BTLA: variants seen among roughly 807,000 people sequenced by gnomAD.
The protein encoded by BTLA is B and T lymphocyte associated.
A neutral mutation model predicts 25.0 loss-of-function variants in BTLA; 11 were observed. The observed-to-expected ratio is 0.44, with a 90% CI of 0.28 to 0.73. The LOEUF is 0.73. BTLA is among the 30% of genes least tolerant of loss of function. The pLI is 0.15. For synonymous variants in BTLA, 104 were observed against 119.8 expected (o/e 0.87, Z 0.86); for missense variants, 282 against 332.8 (o/e 0.85, Z 1.19).
intron 3 of BTLA, 62 bp from the exon 4 acceptor site, chr3:112,469,866 T>C: frequency 2.2e-6 from 3 of 1,347,580 alleles, no homozygotes; most frequent in Non-Finnish European, 3.1e-6. Context: ...GTAAACCACC[T>C]TGCCACCCAT....
intron 1 of BTLA, among the ~76,000 whole-genome samples, chr3:112,489,664 A>C (rs566435344): frequency 6.6e-5 from 10 of 152,376 alleles, no homozygotes; most frequent in African/African-American, 2.4e-4. Flanking sequence ...ATAATAAACC[A>C]ATAATTTTCT....
At chr3:112,491,340 G>T (rs2082378960) in intron 1 of BTLA, among the ~76,000 whole-genome samples, 1 of 151,900 alleles carries the variant, frequency 6.6e-6, no homozygotes, top group Non-Finnish European at 1.5e-5. Flanking sequence ...ATCTTAACAC[G>T]AGGAAAAAAA....
Position 112,465,415 on chromosome 3 carries a change from T to C in BTLA, c.*693A>G, listed in dbSNP as rs1229606676. ...AGTGAGTCTCTACTTTCCTCATAAA[T>C]GTGCTATACGTTGACTGCTCCATTA... On this transcript the variant is annotated 3_prime_UTR_variant, in exon 5 of 5. Transcript: ENST00000334529. 6.5e-6 allele frequency: 1 copy of C among 152,672 alleles called. No homozygotes were observed. Among genetic ancestry groups the C allele is most frequent in the Non-Finnish European group, 1.5e-5 (1 of 68,038 alleles). The allele number at this position is 152,672 out of a possible 1,614,324, so 9.5% of individuals were successfully genotyped here. A position where few individuals can be genotyped will look rare whatever the true frequency, so the allele number is the denominator to read the frequency against.
rs141373505 is a variant in BTLA, at chr3:112,483,427, C to T, written c.89-3658G>A. Among the ~76,000 whole-genome samples, 802 of 151,544 alleles carry T rather than the reference C, an allele frequency of 5.3e-3. 11 individuals carry two copies. The highest frequency in any genetic ancestry group is 5.4e-3 in the Non-Finnish European group (364 of 67,894). ...CCTCCCAAAGTGCTGGGATTACAGG[C>T]TTGAGCCACCACACCTGGCCAGAAT... On this transcript the variant is annotated intron_variant, in intron 1 of 4. Coordinates refer to ENST00000334529, the MANE Select transcript of BTLA (RefSeq NM_181780.4).
At chr3:112,486,119 A>C (rs192970936) in intron 1 of BTLA, among the ~76,000 whole-genome samples, 97 of 152,332 alleles carry the variant, frequency 6.4e-4, no homozygotes, top group African/African-American at 2.3e-3. Context: ...TCCATCTCAA[A>C]AAACAAACCA....
chr3:112,484,021 T>C (rs1174334734), intron 1 of BTLA, among the ~76,000 whole-genome samples: 1 of 151,918 alleles, frequency 6.6e-6, no homozygotes, highest in African/African-American at 2.4e-5. Flanking sequence ...GAAGGTTAAC[T>C]TCAGCCGGGG....
intron 1 of BTLA, among the ~76,000 whole-genome samples, chr3:112,492,526 G>A (rs1376841395): frequency 6.6e-6 from 1 of 152,178 alleles, no homozygotes; most frequent in African/African-American, 2.4e-5. Context: ...GTGATGTTCA[G>A]ATTAAGTGTG....
upstream of BTLA, chr3:112,499,557 A>G: frequency 1.9e-6 from 1 of 533,376 alleles, no homozygotes; most frequent in Non-Finnish European, 3.3e-6. Context: ...AGTGAACAGA[A>G]AGACGATGTG....
intron 1 of BTLA, among the ~76,000 whole-genome samples, chr3:112,487,336 G>GCACTT (rs2082353860): frequency 6.6e-6 from 1 of 152,194 alleles, no homozygotes; most frequent in Admixed American, 6.5e-5. Context: ...TGTAATCCCA[G>GCACTT]CACTTTGGGA....
chr3:112,477,331 C>T (rs1381637716), intron 2 of BTLA, among the ~76,000 whole-genome samples: 2 of 146,828 alleles, frequency 1.4e-5, no homozygotes, highest in African/African-American at 5.0e-5. Context: ...TTCTTCACAT[C>T]CTTGCTAACA....
chr3:112,466,272 T>A lies in BTLA; in HGVS notation c.706A>T (p.Met236Leu). ...GAATAAACTTCAGACCCTTCCTGCA[T>A]CCTGAAACAAAGGTCAGGGTCATTA... ...YDNDPDLCFR[M>L]QEGSEVYSNP... The change falls in exon 5 of 5, where the codon ATG (methionine) becomes TTG (leucine). Residue 236 changes from methionine to leucine, a missense_variant. Physicochemically the swap from Met to Leu is conservative, Grantham distance 15. This residue lies in a region of BTLA where 119 missense variants were observed against 102.3 expected (regional missense o/e 1.16). Coordinates refer to ENST00000334529, the MANE Select transcript of BTLA (RefSeq NM_181780.4). The A allele has an allele frequency of 6.2e-7, 1 of 1,614,104 alleles. No individual in the cohort carries two copies. The highest frequency in any genetic ancestry group is 8.5e-7 in the Non-Finnish European group (1 of 1,179,990).
intron 4 of BTLA, among the ~76,000 whole-genome samples, chr3:112,466,955 CTTCTTTTT>C (rs148453466): frequency 0.79 from 111,331 of 141,762 alleles, 46,325 homozygotes; most frequent in Non-Finnish European, 0.94. Context: ...AAAGAAAATT[CTTCTTTTT>C]TTTTTTTTTT....
Position 112,472,401 on chromosome 3 carries a change from G to A in BTLA, c.404-1046C>T, listed in dbSNP as rs187147346. Among the ~76,000 whole-genome samples the A allele has an allele frequency of 2.0e-5, 3 of 152,030 alleles. No individual in the cohort carries two copies. In the East Asian group the frequency reaches 5.8e-4, roughly 29 times the overall value. On this transcript the variant is annotated intron_variant, in intron 2 of 4. Coordinates refer to ENST00000334529, the MANE Select transcript of BTLA (RefSeq NM_181780.4). ...TTAACACAGTATGAAAAATACTGGA[G>A]TAAGATATTCTAAGGTCTGGCCTGG...
At position 112,465,173 on chromosome 3, in the gene BTLA, C is replaced by T. The variant is rs2082218630; in HGVS notation, c.*935G>A. The T allele has an allele frequency of 6.6e-6, 1 of 152,568 alleles. No individual in the cohort carries two copies. The highest frequency in any genetic ancestry group is 1.5e-5 in the Non-Finnish European group (1 of 68,014). 9.5% of individuals were successfully genotyped at this position (152,568 alleles called of 1,614,324 possible). On this transcript the variant is annotated 3_prime_UTR_variant, in exon 5 of 5. Coordinates refer to ENST00000334529, the MANE Select transcript of BTLA (RefSeq NM_181780.4). ...AAGATGCAGATGTGGTGAATGAAAGCAAATTGACCCCTACAGACCAATTAA... is the reference window on the plus strand; with the variant it reads ...AAGATGCAGATGTGGTGAATGAAAGTAAATTGACCCCTACAGACCAATTAA...
Position 112,499,453 on chromosome 3 carries a change from G to T in BTLA, c.-95C>A. 5 of 740,928 alleles carry T rather than the reference G, an allele frequency of 6.7e-6. No individual in the cohort carries two copies. Among genetic ancestry groups the T allele is most frequent in the African/African-American group, 1.8e-5 (1 of 54,056 alleles). 45.9% of individuals were successfully genotyped at this position (740,928 alleles called of 1,614,324 possible). On this transcript the variant is annotated 5_prime_UTR_variant, in exon 1 of 5. It adds an upstream start codon to the 5' untranslated region. Transcript: ENST00000334529. ...GAGTTGGGTCAGTTTACCTACCCCA[G>T]TGGCATCTGTGAAATAACTAAAAAA...
chr3:112,466,729 T>A (rs1477151097), intron 4 of BTLA, among the ~76,000 whole-genome samples: 1 of 152,210 alleles, frequency 6.6e-6, no homozygotes, highest in Non-Finnish European at 1.5e-5. Flanking sequence ...AGGCAGTTTA[T>A]AACATGATGA....
At position 112,464,355 on chromosome 3, in the gene BTLA, G is replaced by A. The variant is rs1257891837; in HGVS notation, c.*1753C>T. 2 of 385,542 alleles carry A rather than the reference G, an allele frequency of 5.2e-6. No individual in the cohort carries two copies. Among genetic ancestry groups the A allele is most frequent in the Non-Finnish European group, 9.2e-6 (2 of 217,750 alleles). 23.9% of individuals were successfully genotyped at this position (385,542 alleles called of 1,614,324 possible). A position where few individuals can be genotyped will look rare whatever the true frequency, so the allele number is the denominator to read the frequency against. On this transcript the variant is annotated 3_prime_UTR_variant, in exon 5 of 5. Transcript: ENST00000334529. Reference sequence around the variant, plus strand: ...ACTGTTCAATTTCGTGTGTTCATCTGATAAGAGGACAGCTAAATGTATCCT... The same window carrying A: ...ACTGTTCAATTTCGTGTGTTCATCTAATAAGAGGACAGCTAAATGTATCCT...
chr3:112,484,085 C>T (rs932796449), intron 1 of BTLA, among the ~76,000 whole-genome samples: 1 of 152,060 alleles, frequency 6.6e-6, no homozygotes, highest in Non-Finnish European at 1.5e-5. Flanking sequence ...ATGAGTAGCC[C>T]TTTGGCAATC....
Position 112,466,090 on chromosome 3 carries a change from T to G in BTLA, c.*18A>C. 2 of 1,563,424 alleles carry G rather than the reference T, an allele frequency of 1.3e-6. No homozygotes were observed. Among genetic ancestry groups the G allele is most frequent in the Non-Finnish European group, 1.7e-6 (2 of 1,146,070 alleles). On this transcript the variant is annotated 3_prime_UTR_variant, in exon 5 of 5. Transcript: ENST00000334529. ...CATGCTGATCATTCAATGGTCCCTGTTGGAGTCAGAAACAGACTTAACTCC... is the reference window on the plus strand; with the variant it reads ...CATGCTGATCATTCAATGGTCCCTGGTGGAGTCAGAAACAGACTTAACTCC...
Sources: allele counts gnomAD v4.1 joint callset (sites outside exome capture counted in the v4.1 genomes callset), GRCh38; gene constraint gnomAD v4.1.1; regional missense constraint gnomAD v4.1.1; transcripts MANE v1.5; gene names NCBI Gene and HGNC (gene_info 2026-07-23, HGNC 2026-07-21).